The following VAMP4 variants were observed in gnomAD, a reference collection of about 807,000 sequenced individuals.
VAMP4 encodes the protein vesicle-associated membrane protein 4.
In VAMP4, 19 loss-of-function variants were observed where a neutral mutation model predicts 23.5. The observed-to-expected ratio is 0.81, with a 90% CI of 0.56 to 1.19. VAMP4 has a LOEUF of 1.19. Ranked by LOEUF, VAMP4 falls within the 50% of genes most tolerant of loss-of-function variation. The pLI, the probability that VAMP4 is intolerant of heterozygous loss-of-function variation, is 0.00. For missense variants in VAMP4, 145 were observed against 168.6 expected (o/e 0.86, Z 0.78); for synonymous variants, 31 against 51.0 (o/e 0.61, Z 1.67).
intron 3 of VAMP4, among the ~76,000 whole-genome samples, chr1:171,725,695 ATT>A (rs879408944): frequency 1.4e-5 from 2 of 144,556 alleles, no homozygotes; most frequent in Non-Finnish European, 3.1e-5. Context: ...GTTTCCATTA[ATT>A]TTTTTTTTTT....
intron 3 of VAMP4, among the ~76,000 whole-genome samples, chr1:171,724,110 TG>T (rs1481191591): frequency 6.6e-6 from 1 of 152,116 alleles, no homozygotes; most frequent in Non-Finnish European, 1.5e-5. Context: ...TAAGAAAATG[TG>T]GCACATATAC....
chr1:171,728,571 C>G lies in VAMP4; in HGVS notation c.67-1G>C. On this transcript the variant is annotated splice_acceptor_variant, in intron 2 of 7. Transcript: ENST00000236192. LOFTEE classifies it high-confidence loss of function. ...CTGAATCATCTTCCAAAAGATTTCT[C>G]TGTCAAAAAAAGAAAAAGACTTGAG... is the stretch of plus-strand genomic sequence containing the variant. The G allele has an allele frequency of 3.9e-6, 6 of 1,555,698 alleles. No homozygotes were observed. Among genetic ancestry groups the G allele is most frequent in the Non-Finnish European group, 5.2e-6 (6 of 1,153,522 alleles).
intron 5 of VAMP4, among the ~76,000 whole-genome samples, chr1:171,710,088 G>GA (rs1250510954): frequency 6.7e-6 from 1 of 150,070 alleles, no homozygotes; most frequent in African/African-American, 2.4e-5. Flanking sequence ...CACACCTCTA[G>GA]AAAAAAAATT....
chr1:171,731,734 C>T (rs1247134527), intron 2 of VAMP4, among the ~76,000 whole-genome samples: 1 of 152,016 alleles, frequency 6.6e-6, no homozygotes, highest in African/African-American at 2.4e-5. Context: ...AAAATTCTAG[C>T]CAATATCTGT....
chr1:171,727,169 G>T (rs1177762095), intron 3 of VAMP4, among the ~76,000 whole-genome samples: 3 of 138,326 alleles, frequency 2.2e-5, no homozygotes, highest in African/African-American at 8.0e-5. Context: ...GAGCCCAGTA[G>T]TTTGAAGCTG....
intron 4 of VAMP4, among the ~76,000 whole-genome samples, chr1:171,714,974 C>T (rs1052479968): frequency 6.6e-6 from 1 of 152,090 alleles, no homozygotes; most frequent in African/African-American, 2.4e-5. Context: ...GACATCAAGA[C>T]CCCTGTGCTG....
chr1:171,716,875 G>C (rs1655036373), intron 4 of VAMP4, among the ~76,000 whole-genome samples: 1 of 152,162 alleles, frequency 6.6e-6, no homozygotes, highest in South Asian at 2.1e-4. Context: ...CATGCTTGAT[G>C]AACGACCTTA....
At chr1:171,736,535 G>T (rs903709360) in intron 2 of VAMP4, among the ~76,000 whole-genome samples, 1 of 152,184 alleles carries the variant, frequency 6.6e-6, no homozygotes, top group Non-Finnish European at 1.5e-5. Context: ...TGAAATTATG[G>T]CAAAGAAGGA....
intron 2 of VAMP4, among the ~76,000 whole-genome samples, chr1:171,731,012 G>A (rs1650720990): frequency 1.3e-5 from 2 of 151,298 alleles, no homozygotes; most frequent in Non-Finnish European, 1.5e-5. Context: ...AGACCATCCT[G>A]GCTAACATGG....
chr1:171,724,164 T>C (rs1054024282), intron 3 of VAMP4, among the ~76,000 whole-genome samples: 1 of 152,088 alleles, frequency 6.6e-6, no homozygotes, highest in Non-Finnish European at 1.5e-5. Flanking sequence ...TGAGTTCATG[T>C]CCTTTGTAGG....
chr1:171,715,698 C>T (rs972395212), intron 4 of VAMP4, among the ~76,000 whole-genome samples: 2 of 152,138 alleles, frequency 1.3e-5, no homozygotes, highest in African/African-American at 2.4e-5. Context: ...CTCTGCAATA[C>T]GCACCCCTTA....
intron 3 of VAMP4, among the ~76,000 whole-genome samples, chr1:171,724,978 A>G (rs1655320242): frequency 6.6e-6 from 1 of 152,208 alleles, no homozygotes. Context: ...TTTTAAGCAT[A>G]CAGTTCTGTG....
At position 171,710,780 on chromosome 1, in the gene VAMP4, T is replaced by C. The variant is rs951628126; in HGVS notation, c.199A>G (p.Met67Val). 4 of 1,609,840 alleles carry C rather than the reference T, an allele frequency of 2.5e-6. No homozygotes were observed. The highest frequency in any genetic ancestry group is 3.4e-6 in the Non-Finnish European group (4 of 1,178,052). Residue 67 changes from methionine to valine, a missense_variant, in exon 5 of 8, where the codon ATG (methionine) becomes GTG (valine). Physicochemically the swap from Met to Val is conservative, Grantham distance 21 (BLOSUM62 1). Coordinates refer to ENST00000236192, the MANE Select transcript of VAMP4 (RefSeq NM_003762.5). ...ATTACCTTTGTAATATTTTCTTGCA[T>C]GACATCAATAACTTCATCCACTTGA... The part of the protein sequence containing the change: ...QNQVDEVIDV[M>V]QENITKVIER...
In VAMP4 at chr1:171,742,022, G is replaced by C. The variant is rs1331182629; in HGVS notation, c.-162C>G. 6.6e-6 allele frequency: 1 copy of C among 152,238 alleles called. No individual in the cohort carries two copies. The highest frequency in any genetic ancestry group is 2.4e-5 in the African/African-American group (1 of 41,444). The allele number at this position is 152,238 out of a possible 1,614,324, so 9.4% of individuals were successfully genotyped here. A position where few individuals can be genotyped will look rare whatever the true frequency, so the allele number is the denominator to read the frequency against. ...CTGGGAGGGGGAGACAGTTGGTGCG[G>C]ACCCGGCGTCGGCCGCAGCGCCGCA... On this transcript the variant is annotated 5_prime_UTR_variant, in exon 1 of 8. Coordinates refer to ENST00000236192, the MANE Select transcript of VAMP4 (RefSeq NM_003762.5).
At chr1:171,732,788 T>C (rs1655605637) in intron 2 of VAMP4, among the ~76,000 whole-genome samples, 1 of 151,950 alleles carries the variant, frequency 6.6e-6, no homozygotes, top group Non-Finnish European at 1.5e-5. Flanking sequence ...AACACACAAC[T>C]CCAGAAGTCT....
chr1:171,724,694 G>T (rs1451157380), intron 3 of VAMP4, among the ~76,000 whole-genome samples: 5 of 152,080 alleles, frequency 3.3e-5, no homozygotes, highest in Non-Finnish European at 4.4e-5. Context: ...ATTCTAGCAG[G>T]CTTGCTGGAA....
intron 2 of VAMP4, among the ~76,000 whole-genome samples, chr1:171,735,083 A>G (rs1442144714): frequency 6.6e-6 from 1 of 152,162 alleles, no homozygotes; most frequent in African/African-American, 2.4e-5. Context: ...TATGACCAAC[A>G]TGCCATGAAA....
At chr1:171,740,081 C>T (rs965051373) in intron 1 of VAMP4, among the ~76,000 whole-genome samples, 2 of 152,174 alleles carry the variant, frequency 1.3e-5, no homozygotes, top group Non-Finnish European at 2.9e-5. Flanking sequence ...CTTTATGATG[C>T]TTCTTTAAAG....
At position 171,701,319 on chromosome 1, in the gene VAMP4, ATCT is replaced by A. The variant is rs1654424878; in HGVS notation, c.*3184_*3186del. 1 of 152,214 alleles carries A rather than the reference ATCT, an allele frequency of 6.6e-6. No homozygotes were observed. Among genetic ancestry groups the A allele is most frequent in the South Asian group, 2.1e-4 (1 of 4,836 alleles). The allele number at this position is 152,214 out of a possible 1,614,324, so 9.4% of individuals were successfully genotyped here. A position where few individuals can be genotyped will look rare whatever the true frequency, so the allele number is the denominator to read the frequency against. On this transcript the variant is annotated 3_prime_UTR_variant, in exon 8 of 8. Transcript: ENST00000236192. ...ACTCTGACAATACAATTAAGGGGAC[ATCT>A]TCTAATGGCATTTGTTCTTAACATG... is the stretch of plus-strand genomic sequence containing the variant.
Sources: allele counts gnomAD v4.1 joint callset (sites outside exome capture counted in the v4.1 genomes callset), GRCh38; gene constraint gnomAD v4.1.1; transcripts MANE v1.5; gene names NCBI Gene and HGNC (gene_info 2026-07-23, HGNC 2026-07-21).